The following CRYGN variants were observed in gnomAD, a reference collection of about 807,000 sequenced individuals.
CRYGN encodes gamma-crystallin N.
In CRYGN, 17 loss-of-function variants were observed where a neutral mutation model predicts 19.2. The observed-to-expected ratio is 0.89, with a 90% CI of 0.61 to 1.33. CRYGN has a LOEUF of 1.33. Among genes scored for constraint, CRYGN ranks in the 40% most tolerant of loss-of-function variants. The pLI is 0.00. For synonymous variants in CRYGN, 84 were observed against 85.8 expected (o/e 0.98, Z 0.12); for missense variants, 239 against 239.6 (o/e 1.00, Z 0.02).
At chr7:151,432,632 C>A (rs1245626489) in intron 3 of CRYGN, among the ~76,000 whole-genome samples, 1 of 152,196 alleles carries the variant, frequency 6.6e-6, no homozygotes, top group Non-Finnish European at 1.5e-5. Context: ...GGTGAAACCC[C>A]GTCTCTACTA....
intron 1 of CRYGN, 86 bp from the exon 2 acceptor site, chr7:151,438,330 A>C: frequency 2.2e-6 from 3 of 1,376,974 alleles, no homozygotes; most frequent in South Asian, 2.7e-5. Context: ...AACACCCTGG[A>C]TGGAACCCCT....
rs1339762898 is a variant in CRYGN, at chr7:151,438,246, T to C, written c.22-2A>G. ...GTGCTTGCCTTCATAGAGAGTGATC[T>C]AGAAAGGGCAGGTTACAGAGCTCAG... On this transcript the variant is annotated splice_acceptor_variant, in intron 1 of 3. Transcript: ENST00000337323. LOFTEE classifies it high-confidence loss of function. 3 of 1,605,842 alleles carry C rather than the reference T, an allele frequency of 1.9e-6. No homozygotes were observed. Among genetic ancestry groups the C allele is most frequent in the Non-Finnish European group, 2.6e-6 (3 of 1,175,860 alleles).
At position 151,430,109 on chromosome 7, in the gene CRYGN, G is replaced by C; in HGVS notation, c.488C>G (p.Pro163Arg). 1.9e-6 allele frequency: 3 copies of C among 1,590,318 alleles called. No individual in the cohort carries two copies. The highest frequency in any genetic ancestry group is 1.7e-4 in the Middle Eastern group (1 of 6,024). The change falls in exon 4 of 4, where the codon CCG becomes CGG. Residue 163 changes from proline (P) to arginine (R), a missense_variant. Coordinates refer to ENST00000337323, the MANE Select transcript of CRYGN (RefSeq NM_144727.3). The surrounding 1 kb of genome is among the most constrained non-coding windows in gnomAD (Gnocchi z 5.2). ...LSSSLQSDQG[P>R]EEATTKPATT... Reference sequence around the variant, plus strand: ...TGCTGGTTTTGTGGTGGCCTCTTCCGGTCCTTGATCTGATTGAAGAGAGCT... The same window carrying C: ...TGCTGGTTTTGTGGTGGCCTCTTCCCGTCCTTGATCTGATTGAAGAGAGCT...
At position 151,429,523 on chromosome 7, in the gene CRYGN, G is replaced by A. The variant is rs1201297979; in HGVS notation, c.*525C>T. 5.4e-6 allele frequency: 1 copy of A among 185,334 alleles called. No homozygotes were observed. The highest frequency in any genetic ancestry group is 1.1e-5 in the Non-Finnish European group (1 of 87,004). The allele number at this position is 185,334 out of a possible 1,614,324, so 11.5% of individuals were successfully genotyped here. ...ATATGCAAATGTGTGGTGCTCTATA[G>A]AGGAGTGGTTAGGAACGAAAAGGAT... On this transcript the variant is annotated 3_prime_UTR_variant, in exon 4 of 4. Transcript: ENST00000337323.
At chr7:151,439,855 G>T in intron 1 of CRYGN, 42 bp downstream of exon 1, 1 of 1,543,064 alleles carries the variant, frequency 6.5e-7, no homozygotes, top group African/African-American at 1.4e-5. Context: ...GGGCGAAGGC[G>T]GAGCCCCACT....
intron 3 of CRYGN, among the ~76,000 whole-genome samples, chr7:151,434,971 C>G (rs749491619): frequency 3.3e-5 from 5 of 152,196 alleles, no homozygotes; most frequent in Non-Finnish European, 5.9e-5. Context: ...AATAGTTGTA[C>G]AGTATCTTTC....
rs145702098 is a variant in CRYGN, at chr7:151,438,169, G to A, written c.97C>T (p.Arg33Trp). Residue 33 changes from arginine to tryptophan, a missense_variant, in exon 2 of 4, where the codon CGG becomes TGG. Coordinates refer to ENST00000337323, the MANE Select transcript of CRYGN (RefSeq NM_144727.3). ...GAGTTCACTCGGTTCATAAAGCCCC[G>A]GTCCTGGAAGTTGTCACAGTCCCCG... ...VFGDCDNFQD[R>W]GFMNRVNSIH... 1.6e-4 allele frequency: 261 copies of A among 1,614,104 alleles called. No individual in the cohort carries two copies. The highest frequency in any genetic ancestry group is 7.1e-5 in the Non-Finnish European group (84 of 1,180,050).
At chr7:151,438,395 A>G (rs1801677464) in intron 1 of CRYGN, 151 bp from the exon 2 acceptor site, 1 of 732,298 alleles carries the variant, frequency 1.4e-6, no homozygotes, top group Non-Finnish European at 2.2e-6. Context: ...GCCCAACACT[A>G]TTTGCCAATT....
rs1801521246 is a variant in CRYGN at position 151,433,506 on chromosome 7, GAAGA to G, written c.416+2670_416+2673del. On this transcript the variant is annotated intron_variant, in intron 3 of 3. Coordinates refer to ENST00000337323, the MANE Select transcript of CRYGN (RefSeq NM_144727.3). The surrounding 1 kb of genome is among the most constrained non-coding windows in gnomAD (Gnocchi z 5.1). ...TGCCTCAAGGGTTGGGGCCAGGAAG[GAAGA>G]GAGAGAGGCAGAGGGTGTGAGCCAG... The G allele has an allele frequency of 1.3e-5, 2 of 155,336 alleles. No homozygotes were observed. Among genetic ancestry groups the G allele is most frequent in the South Asian group, 2.0e-4 (1 of 4,934 alleles). 9.6% of individuals were successfully genotyped at this position (155,336 alleles called of 1,614,324 possible). A position where few individuals can be genotyped will look rare whatever the true frequency, so the allele number is the denominator to read the frequency against.
rs117971511 is a variant in CRYGN, at chr7:151,430,464, C to T, written c.417-284G>A. 4.5e-4 allele frequency among the ~76,000 whole-genome samples: 68 copies of T among 152,282 alleles called. 1 individual carries two copies. The East Asian group carries it at 0.013, about 29-fold the overall frequency. ...ACCCATCGTGACTCTTTTTCCATTGCTCTCTCAGTGAGGGATGGGGAGAGG... is the reference window on the plus strand; with the variant it reads ...ACCCATCGTGACTCTTTTTCCATTGTTCTCTCAGTGAGGGATGGGGAGAGG... On this transcript the variant is annotated intron_variant, in intron 3 of 3. Coordinates refer to ENST00000337323, the MANE Select transcript of CRYGN (RefSeq NM_144727.3). This position sits in a 1 kb window ranked among gnomAD's most constrained non-coding sequence, Gnocchi z 5.2.
At chr7:151,439,796 G>C (rs1801715688) in intron 1 of CRYGN, 101 bp downstream of exon 1, 2 of 1,259,396 alleles carry the variant, frequency 1.6e-6, no homozygotes, top group Admixed American at 5.5e-5. Flanking sequence ...GCTTCCCTTG[G>C]ATTTGTCACC....
At chr7:151,440,148 C>T (rs866778077), upstream of CRYGN, 7 of 1,307,564 alleles carry the variant, frequency 5.4e-6, no homozygotes, top group Admixed American at 3.8e-5. Flanking sequence ...GTTTAGCTCC[C>T]GAGCCTCCTT....
intron 3 of CRYGN, among the ~76,000 whole-genome samples, chr7:151,434,165 G>A (rs770068427): frequency 3.9e-5 from 6 of 152,138 alleles, no homozygotes; most frequent in Admixed American, 3.9e-4. Flanking sequence ...AGTCTTAGGC[G>A]GCAAAGGCTG....
At chr7:151,434,752 C>A (rs1448648143) in intron 3 of CRYGN, among the ~76,000 whole-genome samples, 1 of 152,220 alleles carries the variant, frequency 6.6e-6, no homozygotes, top group Non-Finnish European at 1.5e-5. Context: ...GCTTTAAGCA[C>A]ATGATATATA....
At chr7:151,432,414 C>T (rs546357989) in intron 3 of CRYGN, 37 of 449,342 alleles carry the variant, frequency 8.2e-5, no homozygotes, top group South Asian at 7.3e-4. Context: ...CTGGGCTACA[C>T]GAAGGCACCC....
At chr7:151,438,351 C>G in intron 1 of CRYGN, 107 bp from the exon 2 acceptor site, 1 of 1,175,654 alleles carries the variant, frequency 8.5e-7, no homozygotes. Flanking sequence ...ACTCCCAGGC[C>G]CCCAAAAGCC....
rs1801610089 is a variant in CRYGN, at chr7:151,436,365, C to T, written c.271-40G>A. The stretch of plus-strand genomic sequence containing the variant: ...AAAAAAGAAGGAAAGAAGGAGGTTG[C>T]TGTGAATTCCCCTCTCCCAGAAACA... On this transcript the variant is annotated intron_variant, in intron 2 of 3. Transcript: ENST00000337323. This position sits in a 1 kb window ranked among gnomAD's most constrained non-coding sequence, Gnocchi z 5.1. 6.8e-7 allele frequency: 1 copy of T among 1,465,726 alleles called. No homozygotes were observed. Among genetic ancestry groups the T allele is most frequent in the Non-Finnish European group, 9.1e-7 (1 of 1,100,280 alleles). The allele number at this position is 1,465,726 out of a possible 1,614,324, so 90.8% of individuals were successfully genotyped here.
Position 151,438,120 on chromosome 7 carries a change from C to A in CRYGN, c.146G>T (p.Trp49Leu). 2 of 1,614,212 alleles carry A rather than the reference C, an allele frequency of 1.2e-6. No individual in the cohort carries two copies. The highest frequency in any genetic ancestry group is 1.7e-6 in the Non-Finnish European group (2 of 1,180,046). The change falls in exon 2 of 4, where the codon TGG (tryptophan) becomes TTG (leucine). Residue 49 changes from tryptophan to leucine, a missense_variant. Coordinates refer to ENST00000337323, the MANE Select transcript of CRYGN (RefSeq NM_144727.3). ...VNSIHVESGA[W>L]VCFNHPDFRG... ...GAAGTCGGGGTGATTGAAGCAGACC[C>A]AGGCTCCGCTCTCCACGTGGATGGA...
Position 151,433,188 on chromosome 7 carries a change from T to C in CRYGN, c.416+2992A>G, listed in dbSNP as rs1404835149. On this transcript the variant is annotated intron_variant, in intron 3 of 3. Transcript: ENST00000337323. The surrounding 1 kb of genome is among the most constrained non-coding windows in gnomAD (Gnocchi z 5.1). ...AGCAGAAACAGTCAGGACAAGTCTT[T>C]ACAGAGCCTGGAGGACCTCGGGCTG... 6.6e-6 allele frequency among the ~76,000 whole-genome samples: 1 copy of C among 152,132 alleles called. No individual in the cohort carries two copies. The highest frequency in any genetic ancestry group is 1.9e-4 in the East Asian group (1 of 5,188).
Sources: gnomAD v4.1 joint callset for allele counts (sites outside exome capture counted in the v4.1 genomes callset) on GRCh38, gnomAD v4.1.1 for gene constraint, Gnocchi (gnomAD v3.1) non-coding constraint, MANE v1.5 for transcripts, NCBI Gene and HGNC (gene_info 2026-07-23, HGNC 2026-07-21) for gene names.